COL4A6: variants seen among roughly 807,000 people sequenced by gnomAD.
COL4A6 encodes collagen type IV alpha 6 chain, also known as collagen alpha-6(IV) chain.
A neutral mutation model predicts 126.7 loss-of-function variants in COL4A6; 59 were observed. That is an observed-to-expected ratio of 0.47 (90% CI 0.38 to 0.58). The LOEUF (loss-of-function observed/expected upper bound fraction) is 0.58, where lower values mean the gene tolerates loss of function less well. Ranked by LOEUF, COL4A6 falls within the 20% of genes least tolerant of loss-of-function variation. The pLI is 0.00. For missense variants in COL4A6, 1,285 were observed against 1,337.3 expected, an observed-to-expected ratio of 0.96 and a Z score of 0.61; for synonymous variants, 547 against 496.6, an observed-to-expected ratio of 1.10 and a Z score of -1.35.
At chrX:108,241,993 G>GTTTT (rs754002626) in intron 3 of COL4A6, among the ~76,000 whole-genome samples, 1 of 85,916 alleles carries the variant, frequency 1.2e-5, no homozygotes. Context: ...GATTTCACCA[G>GTTTT]TTTTTTTTTT....
chrX:108,363,271 A>C (rs1221336022), intron 2 of COL4A6, among the ~76,000 whole-genome samples: 1 of 112,033 alleles, frequency 8.9e-6, no homozygotes, highest in Non-Finnish European at 1.9e-5. Context: ...TTGAAATTCC[A>C]TGATTCTATG....
At chrX:108,189,386 G>A (rs1373865678) in intron 20 of COL4A6, among the ~76,000 whole-genome samples, 1 of 111,989 alleles carries the variant, frequency 8.9e-6, no homozygotes, top group Non-Finnish European at 1.9e-5. Flanking sequence ...AGTCTCAGGA[G>A]GCCAGACCAA....
chrX:108,398,292 A>G (rs1235070515), intron 2 of COL4A6, among the ~76,000 whole-genome samples: 1 of 112,088 alleles, frequency 8.9e-6, no homozygotes, highest in Admixed American at 9.5e-5. Flanking sequence ...TATGTAAAGA[A>G]TCAAACTCAG....
rs189472263 is a variant in COL4A6, at chrX:108,393,132, G to C, written c.63+44810C>G. Among the ~76,000 whole-genome samples the C allele has an allele frequency of 4.5e-5, 5 of 111,205 alleles. No homozygotes were observed. The East Asian group carries it at 1.4e-3, about 31-fold the overall frequency. Reference sequence around the variant, plus strand: ...ATTTGACCTATCAATTTCACATCTAGGTATATACTCAAGAGGAAAAAAATG... The same window carrying C: ...ATTTGACCTATCAATTTCACATCTACGTATATACTCAAGAGGAAAAAAATG... On this transcript the variant is annotated intron_variant, in intron 2 of 44. Transcript: ENST00000334504.
intron 2 of COL4A6, among the ~76,000 whole-genome samples, chrX:108,313,534 G>T (rs957991120): frequency 4.5e-5 from 5 of 110,382 alleles, no homozygotes; most frequent in African/African-American, 6.6e-5. Context: ...TAAGTTTTAG[G>T]GTACATGTGC....
chrX:108,212,839 A>T (rs779644875), intron 6 of COL4A6, among the ~76,000 whole-genome samples: 1 of 111,871 alleles, frequency 8.9e-6, no homozygotes, highest in South Asian at 3.8e-4. Flanking sequence ...AAGAGACAGA[A>T]CTAGGTTTTT....
chrX:108,338,699 T>C (rs1238976140), intron 2 of COL4A6, among the ~76,000 whole-genome samples: 1 of 111,994 alleles, frequency 8.9e-6, no homozygotes, highest in Non-Finnish European at 1.9e-5. Flanking sequence ...TCAAAAGCCA[T>C]GGTTAAAAAT....
intron 31 of COL4A6, among the ~76,000 whole-genome samples, chrX:108,172,794 G>A (rs750233181): frequency 8.0e-5 from 9 of 112,323 alleles, no homozygotes; most frequent in Admixed American, 7.5e-4. Context: ...GAAAGTCACA[G>A]TGTGGCCATT....
At chrX:108,432,202 T>C (rs1201787891) in intron 2 of COL4A6, among the ~76,000 whole-genome samples, 3 of 112,166 alleles carry the variant, frequency 2.7e-5, no homozygotes, top group Non-Finnish European at 5.6e-5. Flanking sequence ...CCTTTTGACC[T>C]ATTTCTTTGT....
intron 13 of COL4A6, among the ~76,000 whole-genome samples, chrX:108,201,801 C>CT (rs1353322123): frequency 1.8e-5 from 2 of 111,677 alleles, no homozygotes; most frequent in Non-Finnish European, 3.8e-5. Flanking sequence ...GCAATACCCT[C>CT]TGTGTTTGCT....
chrX:108,293,638 G>T (rs763178301), intron 3 of COL4A6, among the ~76,000 whole-genome samples: 1 of 111,339 alleles, frequency 9.0e-6, no homozygotes, highest in East Asian at 2.8e-4. Context: ...AGGCTACTTG[G>T]TTTACTCAGG....
intron 15 of COL4A6, 98 bp from the exon 16 acceptor site, chrX:108,194,685 G>C (rs2035155238): frequency 1.2e-6 from 1 of 836,427 alleles, no homozygotes; most frequent in Admixed American, 2.4e-5. Context: ...AGGGATCTTG[G>C]ATGACATTGC....
intron 4 of COL4A6, 34 bp downstream of exon 4, chrX:108,221,206 G>A: frequency 8.3e-7 from 1 of 1,207,077 alleles, no homozygotes; most frequent in Non-Finnish European, 1.1e-6. Flanking sequence ...TGTGGCCCAT[G>A]CATCAAAGAG....
At chrX:108,370,403 G>C (rs2040298458) in intron 2 of COL4A6, among the ~76,000 whole-genome samples, 2 of 111,241 alleles carry the variant, frequency 1.8e-5, no homozygotes. Flanking sequence ...ACTAAGGACC[G>C]GATGGAGAAA....
rs754813438 is a variant in COL4A6 at position 108,365,267 on chromosome X, T to G, written c.64-54439A>C. ...TTTTTACTAGACCCAAAATAAGAGG[T>G]TTTGTCTCAGCTATCCTCAAATTCC... On this transcript the variant is annotated intron_variant, in intron 2 of 44. Coordinates refer to ENST00000334504, the MANE Select transcript of COL4A6 (RefSeq NM_033641.4). Among the ~76,000 whole-genome samples, 5 of 111,880 alleles carry G rather than the reference T, an allele frequency of 4.5e-5. No individual in the cohort carries two copies. The South Asian group carries it at 1.5e-3, about 34-fold the overall frequency.
At chrX:108,217,399 T>C (rs1163167673) in intron 5 of COL4A6, among the ~76,000 whole-genome samples, 1 of 111,290 alleles carries the variant, frequency 9.0e-6, no homozygotes, top group Non-Finnish European at 1.9e-5. Context: ...TTTTTCTGTC[T>C]GGGGGAGCCC....
intron 3 of COL4A6, among the ~76,000 whole-genome samples, chrX:108,300,469 T>C (rs750263843): frequency 4.6e-5 from 5 of 108,124 alleles, no homozygotes; most frequent in Non-Finnish European, 5.7e-5. Flanking sequence ...TCCATTCTGT[T>C]GTGCTAGGGG....
At position 108,375,678 on chromosome X, in the gene COL4A6, CTT is replaced by C. The variant is rs142100994; in HGVS notation, c.63+62262_63+62263del. Among the ~76,000 whole-genome samples the C allele has an allele frequency of 7.3e-5, 7 of 95,261 alleles. No homozygotes were observed. The South Asian group carries it at 2.4e-3, about 33-fold the overall frequency. 82.7% of individuals were successfully genotyped at this position (95,261 alleles called of 115,157 possible). ...CCATACTCCAAACCCTAGGCTAAATCTTTTTTTTTTTTTTTTTCTATGTGTCT... is the reference window on the plus strand; with the variant it reads ...CCATACTCCAAACCCTAGGCTAAATCTTTTTTTTTTTTTTTCTATGTGTCT... On this transcript the variant is annotated intron_variant, in intron 2 of 44. Coordinates refer to ENST00000334504, the MANE Select transcript of COL4A6 (RefSeq NM_033641.4).
rs754162269 is a variant in COL4A6 at position 108,180,521 on chromosome X, A to G, written c.2125T>C (p.Leu709=). 1.7e-6 allele frequency: 2 copies of G among 1,202,823 alleles called. No homozygotes were observed. Among genetic ancestry groups the G allele is most frequent in the South Asian group, 1.8e-5 (1 of 55,697 alleles). Residue 709 remains leucine (L), a synonymous_variant, in exon 25 of 45, where the codon TTA becomes CTA. Transcript: ENST00000334504. ...GAGACACTCCTTTTCTTACCTGGTA[A>G]TTCAGGAAGATGAACCAATCCTGGA... ...GSPGLVHLPE[L]PGFPGPRGEK... is the part of the protein sequence containing the mutation.
Sources: allele counts gnomAD v4.1 joint callset (sites outside exome capture counted in the v4.1 genomes callset), GRCh38; gene constraint gnomAD v4.1.1; transcripts MANE v1.5; gene names NCBI Gene and HGNC (gene_info 2026-07-23, HGNC 2026-07-21).